Variants in ZNF385D observed in about 807,000 individuals in gnomAD.
ZNF385D encodes the protein zinc finger protein 659.
A neutral mutation model predicts 35.8 loss-of-function variants in ZNF385D; 15 were observed. The observed-to-expected ratio is 0.42, with a 90% CI of 0.28 to 0.64. ZNF385D has a LOEUF of 0.64. ZNF385D is among the 30% of genes least tolerant of loss of function. ZNF385D has a pLI of 0.23. For synonymous variants in ZNF385D, 212 were observed against 186.8 expected (o/e 1.13, Z -1.10); for missense variants, 474 against 494.6 (o/e 0.96, Z 0.39).
At chr3:21,635,533 TTTG>T (rs985663603) in intron 2 of ZNF385D, among the ~76,000 whole-genome samples, 2 of 118,966 alleles carry the variant, frequency 1.7e-5, no homozygotes, top group South Asian at 2.7e-4. Context: ...AGAGTCACTG[TTTG>T]TTGTTGTTGT....
chr3:22,080,029 T>G (rs755049296), intron 3 of ZNF385D, among the ~76,000 whole-genome samples: 3 of 152,090 alleles, frequency 2.0e-5, no homozygotes, highest in Non-Finnish European at 2.9e-5. Flanking sequence ...TGTTACACTT[T>G]CCTGGTAGAC....
At chr3:22,204,795 G>A (rs1697035699) in intron 2 of ZNF385D, among the ~76,000 whole-genome samples, 1 of 151,722 alleles carries the variant, frequency 6.6e-6, no homozygotes, top group South Asian at 2.1e-4. Flanking sequence ...TTGAGGACAA[G>A]CTATTTGAAA....
intron 3 of ZNF385D, among the ~76,000 whole-genome samples, chr3:21,975,168 G>A (rs1703517293): frequency 6.6e-6 from 1 of 152,154 alleles, no homozygotes; most frequent in South Asian, 2.1e-4. Context: ...CAACCTAAGT[G>A]TCTGTCAACA....
chr3:21,851,320 T>A (rs979776202), intron 3 of ZNF385D, among the ~76,000 whole-genome samples: 10 of 152,078 alleles, frequency 6.6e-5, no homozygotes, highest in Non-Finnish European at 1.0e-4. Context: ...CTCACATTGC[T>A]AGTAAGAGTG....
At chr3:22,021,803 G>A (rs1697238790) in intron 3 of ZNF385D, among the ~76,000 whole-genome samples, 2 of 152,052 alleles carry the variant, frequency 1.3e-5, no homozygotes, top group African/African-American at 2.4e-5. Context: ...ATGTTTTGGG[G>A]AGCTTCAGGA....
intron 3 of ZNF385D, among the ~76,000 whole-genome samples, chr3:21,782,491 T>A (rs1683191147): frequency 6.6e-6 from 1 of 152,074 alleles, no homozygotes; most frequent in South Asian, 2.1e-4. Context: ...TATCTAGAAT[T>A]TGATCATTTT....
intron 3 of ZNF385D, among the ~76,000 whole-genome samples, chr3:21,815,880 A>T (rs977028534): frequency 6.6e-6 from 1 of 152,206 alleles, no homozygotes; most frequent in East Asian, 1.9e-4. Flanking sequence ...ACAACAAAAA[A>T]AAGAGAATTT....
intron 3 of ZNF385D, among the ~76,000 whole-genome samples, chr3:21,821,683 C>G (rs1240225834): frequency 3.3e-5 from 5 of 152,118 alleles, no homozygotes; most frequent in Admixed American, 3.3e-4. Context: ...AAAAAGTTGG[C>G]TAGGTGTGGT....
chr3:22,344,177 G>GGGGTGTGT (rs1553652922), intron 2 of ZNF385D, among the ~76,000 whole-genome samples: 57 of 140,844 alleles, frequency 4.0e-4, no homozygotes, highest in African/African-American at 1.5e-3. Flanking sequence ...GGTGGGGTGG[G>GGGGTGTGT]GTGTGTGTGT....
At chr3:22,352,893 C>G (rs1204884591) in intron 2 of ZNF385D, among the ~76,000 whole-genome samples, 1 of 152,224 alleles carries the variant, frequency 6.6e-6, no homozygotes, top group East Asian at 1.9e-4. Context: ...CACTCAATAT[C>G]CATTTTAAAA....
chr3:22,071,366 A>C (rs1312939831), intron 3 of ZNF385D, among the ~76,000 whole-genome samples: 2 of 152,118 alleles, frequency 1.3e-5, no homozygotes, highest in Non-Finnish European at 2.9e-5. Flanking sequence ...TTTTTCCCAA[A>C]GCAAGAAAGA....
At chr3:22,132,548 A>C (rs1703863413) in intron 3 of ZNF385D, among the ~76,000 whole-genome samples, 1 of 152,152 alleles carries the variant, frequency 6.6e-6, no homozygotes, top group South Asian at 2.1e-4. Flanking sequence ...CAATGCAAAA[A>C]ATTAGCCCAA....
chr3:21,733,293 T>C (rs555426644), intron 1 of ZNF385D, among the ~76,000 whole-genome samples: 4 of 152,330 alleles, frequency 2.6e-5, no homozygotes, highest in African/African-American at 7.2e-5. Flanking sequence ...TGTAGCTTTA[T>C]AGTAAGCTCT....
intron 3 of ZNF385D, among the ~76,000 whole-genome samples, chr3:21,957,770 G>C (rs1055225507): frequency 6.6e-6 from 1 of 151,998 alleles, no homozygotes; most frequent in African/African-American, 2.4e-5. Flanking sequence ...AATGCATTTA[G>C]TCTGCCTACC....
chr3:22,138,240 C>T lies in ZNF385D; in HGVS notation c.325+30577G>A, dbSNP rs889495328. Among the ~76,000 whole-genome samples, 25 of 152,218 alleles carry T rather than the reference C, an allele frequency of 1.6e-4. 1 individual carries two copies. Among genetic ancestry groups the T allele is most frequent in the Non-Finnish European group, 3.7e-4 (25 of 68,014 alleles). On this transcript the variant is annotated intron_variant, in intron 3 of 5. Transcript: ENST00000494108. The stretch of plus-strand genomic sequence containing the variant: ...CAATATCATGAAAATGGCCATACTG[C>T]CCAAGGCAATTTATAGATTCAATGC...
intron 3 of ZNF385D, among the ~76,000 whole-genome samples, chr3:22,047,357 ACTC>A (rs919183272): frequency 1.3e-5 from 2 of 151,800 alleles, no homozygotes; most frequent in African/African-American, 4.8e-5. Context: ...TCTTGTACTT[ACTC>A]CTTTTAATTG....
At chr3:21,546,029 C>T (rs1272270611) in intron 3 of ZNF385D, among the ~76,000 whole-genome samples, 1 of 152,024 alleles carries the variant, frequency 6.6e-6, no homozygotes, top group Non-Finnish European at 1.5e-5. Flanking sequence ...AATAATCAAG[C>T]CAAGTCTATT....
At chr3:22,026,308 G>T (rs978336807) in intron 3 of ZNF385D, among the ~76,000 whole-genome samples, 2 of 152,096 alleles carry the variant, frequency 1.3e-5, no homozygotes, top group Non-Finnish European at 2.9e-5. Context: ...AGAACCCCTT[G>T]AGAAAGGACC....
intron 4 of ZNF385D, among the ~76,000 whole-genome samples, chr3:21,469,071 G>A (rs1027081089): frequency 6.6e-6 from 1 of 152,198 alleles, no homozygotes; most frequent in Non-Finnish European, 1.5e-5. Flanking sequence ...TTTCTAGGGT[G>A]ATGGAAAGTT....
Sources: gnomAD v4.1 joint callset for allele counts (sites outside exome capture counted in the v4.1 genomes callset) on GRCh38, gnomAD v4.1.1 for gene constraint, MANE v1.5 for transcripts, NCBI Gene and HGNC (gene_info 2026-07-23, HGNC 2026-07-21) for gene names.